Variants in BCL7C observed in about 807,000 individuals in gnomAD.
The protein encoded by BCL7C is BAF chromatin remodeling complex subunit BCL7C.
Under a neutral mutation model 26.2 loss-of-function variants are expected in BCL7C, and 8 were observed. The ratio of observed to expected loss-of-function variants is 0.30; its 90% confidence interval spans 0.18 to 0.55. BCL7C has a LOEUF of 0.55. BCL7C is among the 20% of genes least tolerant of loss of function. The probability of loss-of-function intolerance (pLI) is 0.93; values close to 1 mark genes in which losing one functional copy is unlikely to be tolerated. For synonymous variants in BCL7C, 90 were observed against 116.5 expected (o/e 0.77, Z 1.47); for missense variants, 262 against 298.5 (o/e 0.88, Z 0.90).
chr16:30,833,856 C>T (rs2054555109), exon 6 of BCL7C: 1 of 152,148 alleles, frequency 6.6e-6, no homozygotes, highest in Non-Finnish European at 1.5e-5. Flanking sequence ...AAATGGAGGC[C>T]CTGTTAACCC....
intron 5 of BCL7C, among the ~76,000 whole-genome samples, chr16:30,867,293 T>C (rs1037317253): frequency 1.3e-5 from 2 of 152,172 alleles, no homozygotes; most frequent in Non-Finnish European, 2.9e-5. Flanking sequence ...TGTAATACTA[T>C]CTTAGACTAT....
chr16:30,887,321 A>G (rs1481982059), downstream of BCL7C, among the ~76,000 whole-genome samples: 8 of 151,312 alleles, frequency 5.3e-5, no homozygotes, highest in South Asian at 1.3e-3. Flanking sequence ...AAAAATAGTG[A>G]TAAATAAATA....
chr16:30,889,294 A>G (rs2055186594), intron 4 of BCL7C, among the ~76,000 whole-genome samples: 1 of 152,152 alleles, frequency 6.6e-6, no homozygotes, highest in African/African-American at 2.4e-5. Flanking sequence ...AATGGGGATA[A>G]TGATAGTAAT....
At chr16:30,856,163 C>T (rs1197731355) in intron 5 of BCL7C, among the ~76,000 whole-genome samples, 2 of 149,618 alleles carry the variant, frequency 1.3e-5, no homozygotes, top group East Asian at 2.0e-4. Context: ...AAACCAAAGT[C>T]GGGTGCAGTG....
chr16:30,876,543 G>C (rs1299519559), intron 5 of BCL7C, among the ~76,000 whole-genome samples: 1 of 152,166 alleles, frequency 6.6e-6, no homozygotes, highest in Non-Finnish European at 1.5e-5. Flanking sequence ...TAGGAAGACA[G>C]AGATTATGAG....
At chr16:30,881,372 GGTGACAGA>G (rs1567320722) in intron 5 of BCL7C, among the ~76,000 whole-genome samples, 1 of 140,928 alleles carries the variant, frequency 7.1e-6, no homozygotes. Context: ...TTCCAGCCTG[GGTGACAGA>G]GTGAGACTCC....
intron 5 of BCL7C, among the ~76,000 whole-genome samples, chr16:30,872,464 G>A (rs760767319): frequency 6.6e-6 from 1 of 152,150 alleles, no homozygotes; most frequent in Non-Finnish European, 1.5e-5. Context: ...CTCACCACCA[G>A]CACGCACGTT....
At chr16:30,891,468 A>G (rs1473806097) in intron 4 of BCL7C, among the ~76,000 whole-genome samples, 1 of 152,204 alleles carries the variant, frequency 6.6e-6, no homozygotes, top group African/African-American at 2.4e-5. Flanking sequence ...AAAGAAAAGA[A>G]AAAGAGAAAA....
At chr16:30,848,420 T>C (rs1403121701) in intron 5 of BCL7C, among the ~76,000 whole-genome samples, 1 of 152,186 alleles carries the variant, frequency 6.6e-6, no homozygotes, top group Non-Finnish European at 1.5e-5. Flanking sequence ...ACAAGTTAGA[T>C]ACATCAACTG....
downstream of BCL7C, among the ~76,000 whole-genome samples, chr16:30,883,046 A>C (rs2055067248): frequency 6.6e-6 from 1 of 152,162 alleles, no homozygotes; most frequent in Non-Finnish European, 1.5e-5. Flanking sequence ...GGTGGAACTT[A>C]GAGTCAGAGA....
chr16:30,841,953 C>CAAAAA (rs1183661130), intron 5 of BCL7C, among the ~76,000 whole-genome samples: 6 of 22,236 alleles, frequency 2.7e-4, no homozygotes, highest in East Asian at 1.5e-3. Flanking sequence ...GACTCCATCT[C>CAAAAA]AAAAAAAAAA....
chr16:30,879,980 A>G (rs544773388), intron 5 of BCL7C, among the ~76,000 whole-genome samples: 15 of 142,950 alleles, frequency 1.0e-4, no homozygotes, highest in Non-Finnish European at 1.5e-5. Flanking sequence ...ACAGAGCGTG[A>G]TTCCGTCTCA....
chr16:30,893,151 G>A lies in BCL7C; in HGVS notation c.171+61C>T. ...GGGAGCTGGAGGTAGAGGTCAGCGT[G>A]GGGAGGAACTTGCCTGAGGTTGCAC... On this transcript the variant is annotated intron_variant, in intron 2 of 5. Transcript: ENST00000215115. This position sits in a 1 kb window ranked among gnomAD's most constrained non-coding sequence, Gnocchi z 5.2. 6 of 1,539,456 alleles carry A rather than the reference G, an allele frequency of 3.9e-6. No individual in the cohort carries two copies. In the South Asian group the frequency reaches 5.8e-5, roughly 15 times the overall value.
chr16:30,890,776 G>A (rs965460423), intron 4 of BCL7C, among the ~76,000 whole-genome samples: 3 of 151,728 alleles, frequency 2.0e-5, no homozygotes, highest in East Asian at 1.9e-4. Flanking sequence ...ACCTGAAGTC[G>A]GGAGTTCGAG....
chr16:30,887,383 C>T (rs1335399989), downstream of BCL7C, among the ~76,000 whole-genome samples: 1 of 150,412 alleles, frequency 6.6e-6, no homozygotes, highest in East Asian at 1.9e-4. Flanking sequence ...GTGGTCCCGG[C>T]TACTTGGGAG....
chr16:30,860,243 T>G (rs2054759240), intron 5 of BCL7C, among the ~76,000 whole-genome samples: 1 of 152,206 alleles, frequency 6.6e-6, no homozygotes, highest in African/African-American at 2.4e-5. Context: ...GACACCTGCC[T>G]GATTATTCAC....
intron 4 of BCL7C, among the ~76,000 whole-genome samples, chr16:30,891,080 A>G (rs1381098319): frequency 6.6e-6 from 1 of 151,532 alleles, no homozygotes. Context: ...GAGGCAGAAG[A>G]ATCGCTTGAA....
downstream of BCL7C, among the ~76,000 whole-genome samples, chr16:30,883,919 A>T (rs1301389076): frequency 1.4e-5 from 2 of 145,290 alleles, no homozygotes; most frequent in Middle Eastern, 3.4e-3. Context: ...AGATCAGGAG[A>T]TCGAGACCAT....
chr16:30,845,330 T>C (rs1468796247), intron 5 of BCL7C, among the ~76,000 whole-genome samples: 1 of 152,236 alleles, frequency 6.6e-6, no homozygotes, highest in Non-Finnish European at 1.5e-5. Flanking sequence ...ACTTGGTTCC[T>C]GTATGGGTAG....
Sources: allele counts gnomAD v4.1 joint callset (sites outside exome capture counted in the v4.1 genomes callset), GRCh38; gene constraint gnomAD v4.1.1; non-coding constraint Gnocchi (gnomAD v3.1); transcripts MANE v1.5; gene names NCBI Gene and HGNC (gene_info 2026-07-23, HGNC 2026-07-21).